Variants in WWC2 observed in about 807,000 individuals in gnomAD.
WWC2 encodes protein WWC2.
WWC2 carries 101 observed loss-of-function variants against 138.5 expected under a neutral mutation model. That is an observed-to-expected ratio of 0.73 (90% CI 0.62 to 0.86). The LOEUF is 0.86. Among genes scored for constraint, WWC2 ranks in the 40% least tolerant of loss-of-function variants. The pLI is 0.00. For missense variants in WWC2, 1,420 were observed against 1,419.4 expected, an observed-to-expected ratio of 1.00 and a Z score of -0.01; for synonymous variants, 558 against 538.4, an observed-to-expected ratio of 1.04 and a Z score of -0.50.
At chr4:183,254,798 A>G (rs1245314284) in intron 9 of WWC2, among the ~76,000 whole-genome samples, 2 of 152,240 alleles carry the variant, frequency 1.3e-5, no homozygotes, top group Admixed American at 6.5e-5. Context: ...GTGATGGGAA[A>G]GAAATTCACA....
chr4:183,279,863 G>A (rs1272351618), intron 16 of WWC2, among the ~76,000 whole-genome samples: 1 of 151,996 alleles, frequency 6.6e-6, no homozygotes, highest in Non-Finnish European at 1.5e-5. Context: ...ATATGCTAAT[G>A]TGATTTTCTT....
At chr4:183,248,030 G>A (rs1242852270) in intron 6 of WWC2, among the ~76,000 whole-genome samples, 3 of 151,652 alleles carry the variant, frequency 2.0e-5, no homozygotes, top group Non-Finnish European at 4.4e-5. Context: ...ACTTTCACTT[G>A]TTCATATCCT....
intron 5 of WWC2, 45 bp from the exon 6 acceptor site, chr4:183,245,371 G>T (rs1358842760): frequency 6.9e-7 from 1 of 1,443,834 alleles, no homozygotes; most frequent in Non-Finnish European, 9.1e-7. Flanking sequence ...TAACTTATAT[G>T]CTATCATTCT....
At position 183,186,644 on chromosome 4, in the gene WWC2, G is replaced by A. The variant is rs1734810432; in HGVS notation, c.132-6955G>A. On this transcript the variant is annotated intron_variant, in intron 1 of 22. Coordinates refer to ENST00000403733, the MANE Select transcript of WWC2 (RefSeq NM_024949.6). The stretch of plus-strand genomic sequence containing the variant: ...ATGGAATGAGACTGCAGAGTAGAGA[G>A]GAGCGGCTGGGGTAAGGGCAGGAGA... Among the ~76,000 whole-genome samples the A allele has an allele frequency of 2.0e-5, 3 of 152,188 alleles. No homozygotes were observed. In the South Asian group the frequency reaches 6.2e-4, roughly 32 times the overall value.
intron 1 of WWC2, among the ~76,000 whole-genome samples, chr4:183,124,399 CCT>C (rs1732693385): frequency 6.6e-6 from 1 of 151,280 alleles, no homozygotes; most frequent in Non-Finnish European, 1.5e-5. Context: ...GGTTACCTAA[CCT>C]CTCAGTTATT....
intron 4 of WWC2, among the ~76,000 whole-genome samples, chr4:183,217,810 T>A (rs945709625): frequency 6.6e-6 from 1 of 151,978 alleles, no homozygotes. Flanking sequence ...TAGTTAGACA[T>A]GTGTAATTAA....
intron 21 of WWC2, among the ~76,000 whole-genome samples, chr4:183,302,318 G>A (rs1156467813): frequency 6.6e-6 from 1 of 152,142 alleles, no homozygotes; most frequent in Non-Finnish European, 1.5e-5. Context: ...GATGCACGTG[G>A]GATGACAAGG....
In WWC2 at chr4:183,290,378, C is replaced by T. The variant is rs528207032; in HGVS notation, c.3384+743C>T. Among the ~76,000 whole-genome samples, 26 of 152,030 alleles carry T rather than the reference C, an allele frequency of 1.7e-4. 1 individual carries two copies. In the South Asian group the frequency reaches 4.6e-3, roughly 27 times the overall value. On this transcript the variant is annotated intron_variant, in intron 21 of 22. Transcript: ENST00000403733. ...AAAAATATTTAAAAAATTAGCTGGA[C>T]GTGGTGGTGTGCCCCTGTAATCCCA...
At chr4:183,177,853 T>A (rs1734508540) in intron 1 of WWC2, among the ~76,000 whole-genome samples, 1 of 152,132 alleles carries the variant, frequency 6.6e-6, no homozygotes, top group African/African-American at 2.4e-5. Flanking sequence ...TTGGTTTAAT[T>A]GTCTAGTAAT....
intron 1 of WWC2, among the ~76,000 whole-genome samples, chr4:183,127,748 T>C (rs1386499998): frequency 6.6e-6 from 1 of 152,146 alleles, no homozygotes; most frequent in East Asian, 1.9e-4. Context: ...CTTAAATGTG[T>C]ACAATACAAT....
At chr4:183,254,472 G>A (rs1353959757) in intron 9 of WWC2, among the ~76,000 whole-genome samples, 2 of 152,188 alleles carry the variant, frequency 1.3e-5, no homozygotes, top group East Asian at 3.8e-4. Flanking sequence ...TTGTTTGTCA[G>A]TTGCATCCCT....
rs74380486 is a variant in WWC2, at chr4:183,186,827, G to C, written c.132-6772G>C. Among the ~76,000 whole-genome samples, 789 of 152,212 alleles carry C rather than the reference G, an allele frequency of 5.2e-3. 5 individuals are homozygous for C. The highest frequency in any genetic ancestry group is 0.018 in the African/African-American group (760 of 41,532). ...TCAAACTAATTCTCGTTGGTACCAG[G>C]TGACAAAACTCATGCCAGCTGTAGG... On this transcript the variant is annotated intron_variant, in intron 1 of 22. Transcript: ENST00000403733.
At position 183,250,238 on chromosome 4, in the gene WWC2, C is replaced by T. The variant is rs116466569; in HGVS notation, c.953+245C>T. 5.2e-3 allele frequency among the ~76,000 whole-genome samples: 787 copies of T among 151,486 alleles called. 5 individuals are homozygous for T. Among genetic ancestry groups the T allele is most frequent in the Admixed American group, 0.012 (180 of 15,192 alleles). On this transcript the variant is annotated intron_variant, in intron 8 of 22. Transcript: ENST00000403733. ...TGAGAAGTATACAAATGAACTTGCC[C>T]CCTTCTCCTCTGAGAAAAAAGAAGC...
chr4:183,112,027 C>T (rs1338610539), intron 1 of WWC2, among the ~76,000 whole-genome samples: 1 of 152,116 alleles, frequency 6.6e-6, no homozygotes, highest in Non-Finnish European at 1.5e-5. Context: ...TTCTTTGTCT[C>T]CCTTCCCCTT....
chr4:183,182,683 A>C (rs939741218), intron 1 of WWC2, among the ~76,000 whole-genome samples: 2 of 152,190 alleles, frequency 1.3e-5, no homozygotes, highest in Non-Finnish European at 2.9e-5. Context: ...GTTTTCTGTT[A>C]AGATATTCAT....
chr4:183,158,665 C>T (rs1319163638), intron 1 of WWC2, among the ~76,000 whole-genome samples: 2 of 151,966 alleles, frequency 1.3e-5, no homozygotes, highest in Non-Finnish European at 2.9e-5. Context: ...CAAGTCAGCT[C>T]ATAACAAGTC....
chr4:183,267,790 C>T (rs114655983), intron 14 of WWC2, among the ~76,000 whole-genome samples: 359 of 152,300 alleles, frequency 2.4e-3, no homozygotes, highest in African/African-American at 7.3e-3. Context: ...TGAGTTGGTG[C>T]GAACCTTCCT....
chr4:183,109,395 C>A (rs1312904161), intron 1 of WWC2, among the ~76,000 whole-genome samples: 1 of 152,152 alleles, frequency 6.6e-6, no homozygotes, highest in African/African-American at 2.4e-5. Flanking sequence ...ATTGCACATT[C>A]TTTTATGCCA....
chr4:183,284,195 G>T (rs1487901348), intron 18 of WWC2, 31 bp from the exon 19 acceptor site: 10 of 1,606,370 alleles, frequency 6.2e-6, no homozygotes, highest in Non-Finnish European at 7.7e-6. Flanking sequence ...ACATCTTTCA[G>T]CTCCTGACAA....
Sources: allele counts gnomAD v4.1 joint callset (sites outside exome capture counted in the v4.1 genomes callset), GRCh38; gene constraint gnomAD v4.1.1; transcripts MANE v1.5; gene names NCBI Gene and HGNC (gene_info 2026-07-23, HGNC 2026-07-21).